The following GPR158 variants were observed in gnomAD, a reference collection of about 807,000 sequenced individuals.
GPR158 encodes metabotropic glycine receptor.
A neutral mutation model predicts 78.2 loss-of-function variants in GPR158; 30 were observed. The observed-to-expected ratio is 0.38, with a 90% CI of 0.29 to 0.52. GPR158 has a LOEUF of 0.52. Ranked by LOEUF, GPR158 falls within the 20% of genes least tolerant of loss-of-function variation. The pLI is 0.83. For synonymous variants in GPR158, 581 were observed against 591.1 expected, an observed-to-expected ratio of 0.98 and a Z score of 0.25; for missense variants, 1,463 against 1,523.5, an observed-to-expected ratio of 0.96 and a Z score of 0.66.
chr10:25,303,608 T>C (rs1031485574), intron 2 of GPR158, among the ~76,000 whole-genome samples: 1 of 152,220 alleles, frequency 6.6e-6, no homozygotes, highest in Non-Finnish European at 1.5e-5. Flanking sequence ...TATATGAACA[T>C]TGTCTTTCTT....
intron 2 of GPR158, among the ~76,000 whole-genome samples, chr10:25,304,364 T>C (rs1258227363): frequency 6.6e-6 from 1 of 152,066 alleles, no homozygotes; most frequent in Non-Finnish European, 1.5e-5. Flanking sequence ...GATGGGAAAG[T>C]TGAAGAGAGG....
chr10:25,498,609 C>A (rs1281095273), intron 5 of GPR158, among the ~76,000 whole-genome samples: 1 of 152,130 alleles, frequency 6.6e-6, no homozygotes. Context: ...AATATCGGAG[C>A]TAGTTTTGTG....
chr10:25,318,968 C>T (rs1385493089), intron 2 of GPR158, among the ~76,000 whole-genome samples: 6 of 152,108 alleles, frequency 3.9e-5, no homozygotes, highest in South Asian at 2.1e-4. Context: ...TCTTTAGGTA[C>T]GTTAAGTTTG....
intron 2 of GPR158, among the ~76,000 whole-genome samples, chr10:25,354,100 A>G (rs1338081105): frequency 1.3e-5 from 2 of 151,920 alleles, no homozygotes; most frequent in African/African-American, 4.8e-5. Flanking sequence ...ATGCCTGTAA[A>G]CCCAGCACTT....
At chr10:25,192,812 CAAAA>C (rs148056139) in intron 1 of GPR158, among the ~76,000 whole-genome samples, 11 of 146,456 alleles carry the variant, frequency 7.5e-5, no homozygotes, top group African/African-American at 2.5e-4. Flanking sequence ...TCGAATTCAT[CAAAA>C]AAAAAAGTGA....
intron 2 of GPR158, among the ~76,000 whole-genome samples, chr10:25,386,015 C>A (rs1374874354): frequency 6.6e-6 from 1 of 152,128 alleles, no homozygotes; most frequent in Non-Finnish European, 1.5e-5. Context: ...GATTTGATGT[C>A]ATATCCAAGA....
chr10:25,276,781 TC>T (rs1181169665), intron 2 of GPR158, among the ~76,000 whole-genome samples: 1 of 151,936 alleles, frequency 6.6e-6, no homozygotes, highest in Non-Finnish European at 1.5e-5. Flanking sequence ...AGCAAGAAAC[TC>T]ACCTGAACCA....
rs1011996863 is a variant in GPR158 at position 25,491,856 on chromosome 10, A to G, written c.1404+25137A>G. Among the ~76,000 whole-genome samples, 7 of 152,310 alleles carry G rather than the reference A, an allele frequency of 4.6e-5. No homozygotes were observed. In the East Asian group the frequency reaches 1.3e-3, roughly 29 times the overall value. On this transcript the variant is annotated intron_variant, in intron 5 of 10. Coordinates refer to ENST00000376351, the MANE Select transcript of GPR158 (RefSeq NM_020752.3). The stretch of plus-strand genomic sequence containing the variant: ...GATAGGTCAAAAATGCATTTGTCAC[A>G]TTCTCAATTGATAGACATGTGGTTT...
At chr10:25,241,336 CTT>C (rs748415671) in intron 2 of GPR158, among the ~76,000 whole-genome samples, 2,970 of 124,912 alleles carry the variant, frequency 0.024, 81 homozygotes, top group Non-Finnish European at 0.034. Context: ...CTTCTCTTCT[CTT>C]TTCTCTTTTC....
chr10:25,451,597 G>A (rs570025439), intron 4 of GPR158, among the ~76,000 whole-genome samples: 1 of 152,318 alleles, frequency 6.6e-6, no homozygotes, highest in African/African-American at 2.4e-5. Flanking sequence ...AAAATGGGAT[G>A]TTGAAAGTGC....
At chr10:25,472,884 A>G (rs941188846) in intron 5 of GPR158, among the ~76,000 whole-genome samples, 1 of 152,190 alleles carries the variant, frequency 6.6e-6, no homozygotes, top group African/African-American at 2.4e-5. Flanking sequence ...TAAATATACA[A>G]TCATGTCATC....
chr10:25,561,929 A>C (rs1308534451), intron 6 of GPR158, among the ~76,000 whole-genome samples: 1 of 152,142 alleles, frequency 6.6e-6, no homozygotes, highest in African/African-American at 2.4e-5. Context: ...AGCCTGCTGA[A>C]TCTCACATAT....
chr10:25,299,836 A>AT (rs1015352933), intron 2 of GPR158, among the ~76,000 whole-genome samples: 16 of 151,736 alleles, frequency 1.1e-4, no homozygotes, highest in Middle Eastern at 3.4e-3. Flanking sequence ...TTTTATTTTT[A>AT]TTTTTTTTGA....
chr10:25,359,047 T>C (rs567471381), intron 2 of GPR158, among the ~76,000 whole-genome samples: 13 of 152,146 alleles, frequency 8.5e-5, no homozygotes, highest in African/African-American at 3.1e-4. Context: ...TATCCATTAT[T>C]GAGAGGGGAG....
rs36068886 is a variant in GPR158 at position 25,273,400 on chromosome 10, CT to C, written c.1008+52262del. On this transcript the variant is annotated intron_variant, in intron 2 of 10. Transcript: ENST00000376351. ...AGGATTTTTCTTAACACATTGGCAT[CT>C]TTTTTTTTTTTTTTTTTTGCACATA... Among the ~76,000 whole-genome samples, 416 of 122,040 alleles carry C rather than the reference CT, an allele frequency of 3.4e-3. 1 individual carries two copies. Among genetic ancestry groups the C allele is most frequent in the East Asian group, 0.011 (46 of 4,024 alleles). The allele number at this position is 122,040 out of a possible 152,430, so 80.1% of individuals were successfully genotyped here. A position where few individuals can be genotyped will look rare whatever the true frequency, so the allele number is the denominator to read the frequency against.
intron 5 of GPR158, among the ~76,000 whole-genome samples, chr10:25,513,936 A>G (rs1836124485): frequency 6.6e-6 from 1 of 152,122 alleles, no homozygotes; most frequent in African/African-American, 2.4e-5. Context: ...CTTGTGTCCT[A>G]TCATATGGTC....
intron 4 of GPR158, among the ~76,000 whole-genome samples, chr10:25,434,202 C>A (rs181501253): frequency 7.8e-4 from 119 of 152,126 alleles, no homozygotes; most frequent in Admixed American, 1.4e-3. Context: ...ATTTAAATAA[C>A]CTGCTACTCC....
intron 2 of GPR158, among the ~76,000 whole-genome samples, chr10:25,329,718 T>A (rs1469600960): frequency 6.6e-6 from 1 of 151,872 alleles, no homozygotes; most frequent in Non-Finnish European, 1.5e-5. Flanking sequence ...TAATTTAACC[T>A]ACAGTAATTA....
At chr10:25,391,247 C>T (rs1834293817) in intron 2 of GPR158, among the ~76,000 whole-genome samples, 1 of 152,196 alleles carries the variant, frequency 6.6e-6, no homozygotes. Context: ...ACAGCGTCCC[C>T]ACTGGGGCAC....
Sources: gnomAD v4.1 joint callset for allele counts (sites outside exome capture counted in the v4.1 genomes callset) on GRCh38, gnomAD v4.1.1 for gene constraint, MANE v1.5 for transcripts, NCBI Gene and HGNC (gene_info 2026-07-23, HGNC 2026-07-21) for gene names.